The following SPATA6L variants were observed in gnomAD, a reference collection of about 807,000 sequenced individuals.
SPATA6L encodes the protein spermatogenesis associated 6-like protein.
A neutral mutation model predicts 49.2 loss-of-function variants in SPATA6L; 68 were observed. The ratio of observed to expected loss-of-function variants is 1.38; its 90% confidence interval spans 1.14 to 1.69. The LOEUF (loss-of-function observed/expected upper bound fraction) is 1.69, where lower values mean the gene tolerates loss of function less well. Among genes scored for constraint, SPATA6L ranks in the 40% most tolerant of loss-of-function variants. The pLI is 0.00. For synonymous variants in SPATA6L, 198 were observed against 165.7 expected (o/e 1.19, Z -1.50); for missense variants, 668 against 464.3 (o/e 1.44, Z -4.03).
Position 4,662,504 on chromosome 9 carries a change from G to C in SPATA6L, c.40-468C>G, listed in dbSNP as rs769958094. 1 of 1,560,068 alleles carries C rather than the reference G, an allele frequency of 6.4e-7. No individual in the cohort carries two copies. The highest frequency in any genetic ancestry group is 8.6e-7 in the Non-Finnish European group (1 of 1,162,410). On this transcript the variant is annotated intron_variant, in intron 1 of 11. Transcript: ENST00000682582. The surrounding 1 kb of genome is among the most constrained non-coding windows in gnomAD (Gnocchi z 4.9). ...GCAGCAGGTTTGAGTTCCAGTCCCT[G>C]CTCAGCAGCCGCGCCACGGCCGTGG... is the stretch of plus-strand genomic sequence containing the variant.
Position 4,662,748 on chromosome 9 carries a change from T to A in SPATA6L, c.40-712A>T. On this transcript the variant is annotated intron_variant, in intron 1 of 11. Coordinates refer to ENST00000682582, the MANE Select transcript of SPATA6L (RefSeq NM_001353486.2). The surrounding 1 kb of genome is among the most constrained non-coding windows in gnomAD (Gnocchi z 4.9). ...GCTGGGGGTGTGCGCGGGAGAGAGC[T>A]CGTCGTGGGGCAGCGTGCGACCCCT... The A allele has an allele frequency of 6.2e-7, 1 of 1,603,600 alleles. No homozygotes were observed. Among genetic ancestry groups the A allele is most frequent in the East Asian group, 2.2e-5 (1 of 44,846 alleles).
intron 3 of SPATA6L, among the ~76,000 whole-genome samples, chr9:4,646,715 A>C (rs1424705603): frequency 6.6e-6 from 1 of 152,206 alleles, no homozygotes; most frequent in African/African-American, 2.4e-5. Context: ...GAGTGGAATG[A>C]GAATAACAGA....
At chr9:4,608,555 T>G (rs1459399964) in intron 9 of SPATA6L, among the ~76,000 whole-genome samples, 2 of 126,460 alleles carry the variant, frequency 1.6e-5, no homozygotes, top group Non-Finnish European at 3.2e-5. Context: ...ACTGGGTACA[T>G]AACGAAATGA....
chr9:4,606,852 C>T (rs1229213367), intron 9 of SPATA6L, among the ~76,000 whole-genome samples: 8 of 146,208 alleles, frequency 5.5e-5, no homozygotes, highest in South Asian at 2.2e-4. Context: ...CTCTGAGCTA[C>T]GGGAGGACAT....
Position 4,606,126 on chromosome 9 carries a change from C to CGGGA in SPATA6L, c.996-687_996-686insTCCC. Among the ~76,000 whole-genome samples, 3 of 151,818 alleles carry CGGGA rather than the reference C, an allele frequency of 2.0e-5. No homozygotes were observed. The Admixed American group carries it at 2.0e-4, about 10-fold the overall frequency. On this transcript the variant is annotated intron_variant, in intron 9 of 11. Coordinates refer to ENST00000682582, the MANE Select transcript of SPATA6L (RefSeq NM_001353486.2). ...TACGGGCTTAAAAAATGGCGCACCA[C>CGGGA]CCACCTGGCTCGGAGGGTCCTACGC... is the stretch of plus-strand genomic sequence containing the variant.
chr9:4,600,905 C>T (rs1184035825), intron 11 of SPATA6L, 96 bp from the exon 12 acceptor site: 5 of 152,200 alleles, frequency 3.3e-5, no homozygotes, highest in Non-Finnish European at 7.3e-5. Context: ...CATACTACCC[C>T]AATCTTGGCA....
chr9:4,598,750 G>C lies in SPATA6L; in HGVS notation c.*2061C>G, dbSNP rs1822565450. Among the ~76,000 whole-genome samples the C allele has an allele frequency of 6.6e-6, 1 of 152,194 alleles. No homozygotes were observed. Among genetic ancestry groups the C allele is most frequent in the Non-Finnish European group, 1.5e-5 (1 of 68,024 alleles). Reference sequence around the variant, plus strand: ...AAGCAGCCCTCTCCTGAGACTTATAGCGTAACCTTAATGTAACACAATATT... The same window carrying C: ...AAGCAGCCCTCTCCTGAGACTTATACCGTAACCTTAATGTAACACAATATT... On this transcript the variant is annotated 3_prime_UTR_variant, in exon 12 of 12. Transcript: ENST00000682582.
chr9:4,660,362 G>C (rs1282973342), intron 2 of SPATA6L, among the ~76,000 whole-genome samples: 1 of 152,196 alleles, frequency 6.6e-6, no homozygotes, highest in Non-Finnish European at 1.5e-5. Flanking sequence ...CCATCAAAAA[G>C]TGGGTGAAGG....
Position 4,662,411 on chromosome 9 carries a change from G to A in SPATA6L, c.40-375C>T, listed in dbSNP as rs956700342. 1.3e-6 allele frequency: 2 copies of A among 1,536,356 alleles called. No individual in the cohort carries two copies. The highest frequency in any genetic ancestry group is 1.7e-6 in the Non-Finnish European group (2 of 1,149,428). ...CCCGGAGGAGCATGGAGGGACGGCC[G>A]CTGGGCGTCTCCGCTTCGAGCAGCA... On this transcript the variant is annotated intron_variant, in intron 1 of 11. Coordinates refer to ENST00000682582, the MANE Select transcript of SPATA6L (RefSeq NM_001353486.2). This position sits in a 1 kb window ranked among gnomAD's most constrained non-coding sequence, Gnocchi z 4.9.
chr9:4,645,261 C>T (rs1835110902), intron 3 of SPATA6L, among the ~76,000 whole-genome samples: 1 of 152,168 alleles, frequency 6.6e-6, no homozygotes, highest in Non-Finnish European at 1.5e-5. Flanking sequence ...ACAATTTGTA[C>T]ATTAATATTC....
intron 2 of SPATA6L, 30 bp from the exon 3 acceptor site, chr9:4,656,119 T>C: frequency 1.9e-6 from 3 of 1,594,264 alleles, no homozygotes; most frequent in Non-Finnish European, 2.6e-6. Context: ...AAATAAATTT[T>C]CAAAGTTGTA....
intron 3 of SPATA6L, 38 bp from the exon 4 acceptor site, chr9:4,635,437 T>C: frequency 6.4e-7 from 1 of 1,562,088 alleles, no homozygotes; most frequent in Non-Finnish European, 8.6e-7. Context: ...TATCTGTATT[T>C]ACACCTCCAG....
chr9:4,640,679 G>T (rs1833839037), intron 3 of SPATA6L, among the ~76,000 whole-genome samples: 1 of 152,136 alleles, frequency 6.6e-6, no homozygotes. Context: ...GCACAGTGTA[G>T]ATCATGTGCA....
chr9:4,662,010 A>G lies in SPATA6L; in HGVS notation c.66T>C (p.Pro22=), dbSNP rs1839903964. The change falls in exon 2 of 12, where the codon CCT becomes CCC. Residue 22 remains proline, a synonymous_variant. Coordinates refer to ENST00000682582, the MANE Select transcript of SPATA6L (RefSeq NM_001353486.2). The surrounding 1 kb of genome is among the most constrained non-coding windows in gnomAD (Gnocchi z 4.9). ...RAISCPGVFL[P]GKQDVYLGVY... ...CCCCGAGGTACACATCTTGTTTGCCAGGCAGGAACACTCCTGGGCAAGAAA... is the reference window on the plus strand; with the variant it reads ...CCCCGAGGTACACATCTTGTTTGCCGGGCAGGAACACTCCTGGGCAAGAAA... 2 of 1,614,008 alleles carry G rather than the reference A, an allele frequency of 1.2e-6. No individual in the cohort carries two copies. Among genetic ancestry groups the G allele is most frequent in the Non-Finnish European group, 8.5e-7 (1 of 1,180,006 alleles).
chr9:4,626,514 G>T (rs1347619852), intron 5 of SPATA6L: 25 of 1,304,174 alleles, frequency 1.9e-5, no homozygotes, highest in Non-Finnish European at 2.4e-5. Flanking sequence ...TTAAGCTTCT[G>T]TGTTCTTGCT....
intron 4 of SPATA6L, among the ~76,000 whole-genome samples, chr9:4,632,034 CTTTTT>C (rs905629115): frequency 2.7e-5 from 3 of 113,018 alleles, no homozygotes; most frequent in African/African-American, 7.3e-5. Context: ...ACATCAGCTA[CTTTTT>C]TTTTTTTTTT....
chr9:4,655,090 C>T (rs1012795149), intron 3 of SPATA6L, among the ~76,000 whole-genome samples: 2 of 152,204 alleles, frequency 1.3e-5, no homozygotes, highest in African/African-American at 2.4e-5. Context: ...AAAACTTATA[C>T]ACAAATATTC....
intron 9 of SPATA6L, among the ~76,000 whole-genome samples, chr9:4,616,643 T>A (rs1359033644): frequency 6.6e-6 from 1 of 152,240 alleles, no homozygotes; most frequent in Non-Finnish European, 1.5e-5. Flanking sequence ...TGGAATGCAA[T>A]GGCACGATCT....
Position 4,662,446 on chromosome 9 carries a change from C to T in SPATA6L, c.40-410G>A, listed in dbSNP as rs751985996. The T allele has an allele frequency of 1.7e-5, 27 of 1,545,448 alleles. No homozygotes were observed. The highest frequency in any genetic ancestry group is 2.3e-5 in the Non-Finnish European group (27 of 1,154,364). On this transcript the variant is annotated intron_variant, in intron 1 of 11. Transcript: ENST00000682582. This position sits in a 1 kb window ranked among gnomAD's most constrained non-coding sequence, Gnocchi z 4.9. Reference sequence around the variant, plus strand: ...TCCGCTTCGAGCAGCAGCAGCAGCCCCGGCAGCCCAGCCCATGGCGGCGGT... The same window carrying T: ...TCCGCTTCGAGCAGCAGCAGCAGCCTCGGCAGCCCAGCCCATGGCGGCGGT...
Sources: gnomAD v4.1 joint callset for allele counts (sites outside exome capture counted in the v4.1 genomes callset) on GRCh38, gnomAD v4.1.1 for gene constraint, Gnocchi (gnomAD v3.1) non-coding constraint, MANE v1.5 for transcripts, NCBI Gene and HGNC (gene_info 2026-07-23, HGNC 2026-07-21) for gene names.